CMSS1: variants seen among roughly 807,000 people sequenced by gnomAD.
The protein encoded by CMSS1 is cms1 ribosomal small subunit homolog, also known as protein CMSS1.
In CMSS1, 33 loss-of-function variants were observed where a neutral mutation model predicts 43.5. That is an observed-to-expected ratio of 0.76 (90% CI 0.57 to 1.01). The LOEUF (loss-of-function observed/expected upper bound fraction) is 1.01, where lower values mean the gene tolerates loss of function less well. Among genes scored for constraint, CMSS1 ranks in the 50% least tolerant of loss-of-function variants. The pLI is 0.00. For missense variants in CMSS1, 313 were observed against 326.4 expected (o/e 0.96, Z 0.32); for synonymous variants, 115 against 117.2 (o/e 0.98, Z 0.12).
At chr3:100,029,235 A>G (rs2064981871) in intron 1 of CMSS1, among the ~76,000 whole-genome samples, 1 of 151,856 alleles carries the variant, frequency 6.6e-6, no homozygotes, top group South Asian at 2.1e-4. Flanking sequence ...TTATTTTCAC[A>G]TGTATAAATA....
intron 1 of CMSS1, among the ~76,000 whole-genome samples, chr3:99,853,219 C>T (rs752593443): frequency 6.6e-6 from 1 of 152,208 alleles, no homozygotes; most frequent in African/African-American, 2.4e-5. Flanking sequence ...TGGCAAAGTG[C>T]TTCTTTCTCC....
chr3:99,841,396 C>T (rs999611255), intron 1 of CMSS1, among the ~76,000 whole-genome samples: 6 of 152,228 alleles, frequency 3.9e-5, no homozygotes, highest in Admixed American at 3.3e-4. Context: ...TGCCTTTTGC[C>T]GGAACAGCAG....
chr3:100,016,658 GCT>G (rs897186509), intron 1 of CMSS1, among the ~76,000 whole-genome samples: 8 of 152,184 alleles, frequency 5.3e-5, no homozygotes, highest in African/African-American at 1.9e-4. Flanking sequence ...ACACTAGGAA[GCT>G]CTTTCACATG....
chr3:99,851,121 A>G, intron 1 of CMSS1: 1 of 1,386,152 alleles, frequency 7.2e-7, no homozygotes, highest in Non-Finnish European at 9.7e-7. Flanking sequence ...TTAGTAACTC[A>G]TCGAATGTAC....
At chr3:100,131,217 T>C (rs899559791) in intron 1 of CMSS1, among the ~76,000 whole-genome samples, 6 of 152,090 alleles carry the variant, frequency 3.9e-5, no homozygotes, top group African/African-American at 1.4e-4. Flanking sequence ...TTTTCCAAGC[T>C]CACACAGCTT....
At chr3:99,938,463 G>T (rs1247452620) in intron 1 of CMSS1, among the ~76,000 whole-genome samples, 1 of 152,150 alleles carries the variant, frequency 6.6e-6, no homozygotes, top group Non-Finnish European at 1.5e-5. Context: ...CATGGCCAAG[G>T]AACAAAGCTG....
intron 1 of CMSS1, among the ~76,000 whole-genome samples, chr3:100,124,266 G>A (rs2066644768): frequency 6.6e-6 from 1 of 152,018 alleles, no homozygotes; most frequent in South Asian, 2.1e-4. Flanking sequence ...AAAATTCTGA[G>A]GTGAGAGATA....
chr3:99,983,436 ATATATG>A (rs1709206580), intron 1 of CMSS1, among the ~76,000 whole-genome samples: 1 of 69,304 alleles, frequency 1.4e-5, no homozygotes, highest in Admixed American at 1.9e-4. Context: ...ATGTATGTAT[ATATATG>A]TATGTATATA....
rs1209242716 is a variant in CMSS1 at position 99,987,528 on chromosome 3, CAAAAAAA to C, written c.65-159433_65-159427del. On this transcript the variant is annotated intron_variant, in intron 1 of 9. Coordinates refer to ENST00000421999, the MANE Select transcript of CMSS1 (RefSeq NM_032359.4). ...TGGGTGACAGAGCGAGATTCTGTCTCAAAAAAAAAAAAAAAAAAGAAAGAAAGAAAAA... is the reference window on the plus strand; with the variant it reads ...TGGGTGACAGAGCGAGATTCTGTCTCAAAAAAAAAAAGAAAGAAAGAAAAA... Among the ~76,000 whole-genome samples the C allele has an allele frequency of 8.7e-5, 5 of 57,182 alleles. No homozygotes were observed. The East Asian group carries it at 2.1e-3, about 24-fold the overall frequency. The allele number at this position is 57,182 out of a possible 152,430, so 37.5% of individuals were successfully genotyped here.
At chr3:99,976,576 G>T (rs1055402996) in intron 1 of CMSS1, among the ~76,000 whole-genome samples, 2 of 152,006 alleles carry the variant, frequency 1.3e-5, no homozygotes, top group Non-Finnish European at 2.9e-5. Context: ...TTTTCTCGTG[G>T]CTTGCATGAT....
intron 1 of CMSS1, among the ~76,000 whole-genome samples, chr3:99,892,929 T>C (rs1706131294): frequency 6.6e-6 from 1 of 152,206 alleles, no homozygotes; most frequent in African/African-American, 2.4e-5. Context: ...CCTGTATTTT[T>C]CTTCACAAAG....
At chr3:100,013,214 G>GTGTTGTTGTTGTTGTTGT (rs35047568) in intron 1 of CMSS1, among the ~76,000 whole-genome samples, 7 of 145,522 alleles carry the variant, frequency 4.8e-5, no homozygotes, top group East Asian at 2.2e-4. Flanking sequence ...GGCCAGTGAG[G>GTGTTGTTGTTGTTGTTGT]TGTTGTTGTT....
intron 1 of CMSS1, among the ~76,000 whole-genome samples, chr3:100,064,422 C>G (rs559168243): frequency 9.9e-5 from 15 of 152,014 alleles, no homozygotes; most frequent in South Asian, 6.2e-4. Flanking sequence ...AACATTAAAG[C>G]CACTCATTCA....
At chr3:99,866,135 T>C (rs770118089) in intron 1 of CMSS1, among the ~76,000 whole-genome samples, 4 of 152,078 alleles carry the variant, frequency 2.6e-5, no homozygotes, top group Non-Finnish European at 4.4e-5. Context: ...CCAGAACTTA[T>C]TCTGAGCAAA....
intron 1 of CMSS1, among the ~76,000 whole-genome samples, chr3:99,990,782 T>TA (rs199614454): frequency 4.2e-4 from 64 of 151,152 alleles, no homozygotes; most frequent in African/African-American, 9.2e-4. Context: ...ATATTTGTAA[T>TA]AAAAAAAAAT....
At chr3:100,102,353 G>T (rs1022498301) in intron 1 of CMSS1, among the ~76,000 whole-genome samples, 1 of 152,198 alleles carries the variant, frequency 6.6e-6, no homozygotes. Flanking sequence ...GTTTTGATTT[G>T]CATTTCTCGG....
At chr3:99,905,554 A>C (rs1706587681) in intron 1 of CMSS1, among the ~76,000 whole-genome samples, 1 of 152,152 alleles carries the variant, frequency 6.6e-6, no homozygotes, top group East Asian at 1.9e-4. Context: ...TTGAGGTATA[A>C]TTTATTTTTA....
At chr3:99,861,412 A>G (rs1490525542) in intron 1 of CMSS1, among the ~76,000 whole-genome samples, 2 of 152,152 alleles carry the variant, frequency 1.3e-5, no homozygotes, top group Admixed American at 6.5e-5. Context: ...TGTATTCCTG[A>G]AAGTGCCTCC....
At chr3:100,151,246 A>G (rs544121859) in intron 2 of CMSS1, among the ~76,000 whole-genome samples, 1 of 152,176 alleles carries the variant, frequency 6.6e-6, no homozygotes, top group Non-Finnish European at 1.5e-5. Flanking sequence ...CTGTGTATTA[A>G]TCTATTGTTT....
Sources: allele counts gnomAD v4.1 joint callset (sites outside exome capture counted in the v4.1 genomes callset), GRCh38; gene constraint gnomAD v4.1.1; transcripts MANE v1.5; gene names NCBI Gene and HGNC (gene_info 2026-07-23, HGNC 2026-07-21).